Variants in FLT4 observed in about 807,000 individuals in gnomAD.
FLT4 encodes fms related receptor tyrosine kinase 4.
In FLT4, 30 loss-of-function variants were observed where a neutral mutation model predicts 163.2. The ratio of observed to expected loss-of-function variants is 0.18; its 90% CI spans 0.14 to 0.25. The LOEUF is 0.25. Among genes scored for constraint, FLT4 ranks in the 10% least tolerant of loss-of-function variants. The probability of loss-of-function intolerance (pLI) is 1.00; values close to 1 mark genes in which losing one functional copy is unlikely to be tolerated. For missense variants in FLT4, 1,510 were observed against 1,863.8 expected (o/e 0.81, Z 3.50); for synonymous variants, 884 against 789.5 (o/e 1.12, Z -2.01).
chr5:180,627,539 C>T (rs900915029), intron 8 of FLT4, among the ~76,000 whole-genome samples: 3 of 149,880 alleles, frequency 2.0e-5, no homozygotes, highest in Non-Finnish European at 4.4e-5. Flanking sequence ...AGGACCAGCC[C>T]ATCTGTGTGT....
chr5:180,631,829 C>T (rs753696738), intron 1 of FLT4, 51 bp from the exon 2 acceptor site: 38 of 1,291,096 alleles, frequency 2.9e-5, no homozygotes, highest in African/African-American at 5.8e-5. Flanking sequence ...CTTGGCACGA[C>T]GTTGATGGGG....
intron 6 of FLT4, 53 bp from the exon 7 acceptor site, chr5:180,629,480 C>T (rs758439402): frequency 1.1e-5 from 18 of 1,596,916 alleles, no homozygotes; most frequent in Non-Finnish European, 1.5e-5. Flanking sequence ...TGCACAGCTA[C>T]CCCACCGAAG....
chr5:180,608,332 TATCA>T (rs1465215087), intron 29 of FLT4: 4 of 700,870 alleles, frequency 5.7e-6, no homozygotes, highest in Non-Finnish European at 1.0e-5. Flanking sequence ...TGCTTCACCT[TATCA>T]ATCACTTGAA....
rs1298985658 is a variant in FLT4, at chr5:180,616,932, C to T, written c.3064G>A (p.Ala1022Thr). Residue 1022 changes from alanine to threonine, a missense_variant, in exon 22 of 30, where the codon GCC becomes ACC. This residue lies in a region of FLT4 where 878 missense variants were observed against 1,016.7 expected (regional missense o/e 0.86). Transcript: ENST00000261937. The stretch of plus-strand genomic sequence containing the variant: ...GAAGCCAGGAACTCCATCCCTCTGG[C>T]CACCTGGAAGCTGTAGCAGACAAGA... ...EDLVCYSFQVARGMEFLASRK... is the reference protein window; with the variant it reads ...EDLVCYSFQVTRGMEFLASRK... 6.2e-7 allele frequency: 1 copy of T among 1,613,436 alleles called. No homozygotes were observed.
chr5:180,623,255 C>A lies in FLT4; in HGVS notation c.1549-416G>T, dbSNP rs536653309. On this transcript the variant is annotated intron_variant, in intron 11 of 29. Transcript: ENST00000261937. This position sits in a 1 kb window ranked among gnomAD's most constrained non-coding sequence, Gnocchi z 5.8. ...TCAGGCCCAATCCAGTCGCTGCTTG[C>A]TGAGATCCTCGTGAGATGGCCTCCT... Among the ~76,000 whole-genome samples, 1 of 152,164 alleles carries A rather than the reference C, an allele frequency of 6.6e-6. No individual in the cohort carries two copies. Among genetic ancestry groups the A allele is most frequent in the Admixed American group, 6.5e-5 (1 of 15,290 alleles).
chr5:180,604,596 G>C (rs1055341530), intron 29 of FLT4, among the ~76,000 whole-genome samples: 1 of 152,150 alleles, frequency 6.6e-6, no homozygotes, highest in Non-Finnish European at 1.5e-5. Flanking sequence ...CAGGCCTCTC[G>C]CCTTGACCTA....
intron 1 of FLT4, among the ~76,000 whole-genome samples, chr5:180,649,146 G>A (rs561862115): frequency 6.6e-6 from 1 of 151,986 alleles, no homozygotes; most frequent in East Asian, 2.0e-4. Context: ...AGCGAGTAAG[G>A]GCGCGAAGGA....
Position 180,636,414 on chromosome 5 carries a change from C to T in FLT4, c.59-4636G>A, listed in dbSNP as rs542171686. Reference sequence around the variant, plus strand: ...CACATGCCTGAACTCCTCGCAGCCACCTGCCCTCCCTACAGCAGTCCCTCT... The same window carrying T: ...CACATGCCTGAACTCCTCGCAGCCATCTGCCCTCCCTACAGCAGTCCCTCT... On this transcript the variant is annotated intron_variant, in intron 1 of 29. Coordinates refer to ENST00000261937, the MANE Select transcript of FLT4 (RefSeq NM_182925.5). The surrounding 1 kb of genome is among the most constrained non-coding windows in gnomAD (Gnocchi z 4.3). Among the ~76,000 whole-genome samples the T allele has an allele frequency of 4.6e-5, 7 of 152,140 alleles. No individual in the cohort carries two copies. The highest frequency in any genetic ancestry group is 1.0e-4 in the Non-Finnish European group (7 of 68,030).
intron 21 of FLT4, 142 bp from the exon 22 acceptor site, chr5:180,617,136 C>A: frequency 1.4e-6 from 1 of 696,070 alleles, no homozygotes; most frequent in African/African-American, 1.8e-5. Flanking sequence ...TCCAGAGCAC[C>A]CTCTCCTGCC....
chr5:180,620,018 G>A lies in FLT4; in HGVS notation c.2542+155C>T, dbSNP rs1428728327. Among the ~76,000 whole-genome samples the A allele has an allele frequency of 6.6e-6, 1 of 152,194 alleles. No individual in the cohort carries two copies. Among genetic ancestry groups the A allele is most frequent in the Admixed American group, 6.5e-5 (1 of 15,284 alleles). ...AGGGAGCCTGGGAACTGGGGACCCT[G>A]GCTGAGGTTCTAGGTACCCACGCCC... On this transcript the variant is annotated intron_variant, in intron 17 of 29. Coordinates refer to ENST00000261937, the MANE Select transcript of FLT4 (RefSeq NM_182925.5). The surrounding 1 kb of genome is among the most constrained non-coding windows in gnomAD (Gnocchi z 4.4).
rs1295797726 is a variant in FLT4 at position 180,625,929 on chromosome 5, A to T, written c.1361T>A (p.Leu454His). 1 of 1,612,672 alleles carries T rather than the reference A, an allele frequency of 6.2e-7. No homozygotes were observed. The highest frequency in any genetic ancestry group is 1.1e-5 in the South Asian group (1 of 91,074). ...GGGCCGCCAGTGCCACTGGATGCTG[A>T]GAGGCAGGGGCACCCCGTAGGCCGT... ...TCTAYGVPLP[L>H]SIQWHWRPWT... The change falls in exon 10 of 30, where the codon CTC (leucine) becomes CAC (histidine). Residue 454 changes from leucine (L) to histidine (H), a missense_variant. By Grantham distance (99) the Leu-to-His change is moderately conservative (BLOSUM62 -3). Coordinates refer to ENST00000261937, the MANE Select transcript of FLT4 (RefSeq NM_182925.5).
rs1460816592 is a variant in FLT4 at position 180,623,169 on chromosome 5, T to G, written c.1549-330A>C. On this transcript the variant is annotated intron_variant, in intron 11 of 29. Transcript: ENST00000261937. The surrounding 1 kb of genome is among the most constrained non-coding windows in gnomAD (Gnocchi z 5.8). ...TATGTTGAGGGGGCACCAGCGTCAGTGCAAGCCAGGGTGAGAATTCAGCCT... is the reference window on the plus strand; with the variant it reads ...TATGTTGAGGGGGCACCAGCGTCAGGGCAAGCCAGGGTGAGAATTCAGCCT... Among the ~76,000 whole-genome samples, 1 of 152,150 alleles carries G rather than the reference T, an allele frequency of 6.6e-6. No homozygotes were observed. Among genetic ancestry groups the G allele is most frequent in the Non-Finnish European group, 1.5e-5 (1 of 68,018 alleles).
intron 29 of FLT4, chr5:180,608,299 C>A (rs1358502709): frequency 1.4e-6 from 1 of 700,734 alleles, no homozygotes; most frequent in Non-Finnish European, 2.6e-6. Context: ...GAGGGAAGGG[C>A]CCCGTCCCAT....
intron 23 of FLT4, among the ~76,000 whole-genome samples, chr5:180,614,578 C>G (rs1196375968): frequency 6.6e-6 from 1 of 152,104 alleles, no homozygotes; most frequent in East Asian, 1.9e-4. Flanking sequence ...TGTCCCCACC[C>G]TGGAAGCCGG....
chr5:180,648,298 C>T (rs2127877108), intron 1 of FLT4, among the ~76,000 whole-genome samples: 1 of 152,316 alleles, frequency 6.6e-6, no homozygotes, highest in East Asian at 1.9e-4. Flanking sequence ...CCTCTCCTGT[C>T]CTCTGCCCTT....
At chr5:180,609,139 G>T in intron 28 of FLT4, 86 bp from the exon 29 acceptor site, 1 of 1,124,638 alleles carries the variant, frequency 8.9e-7, no homozygotes, top group Non-Finnish European at 1.4e-6. Flanking sequence ...AGTGCGGCAT[G>T]GTCCTGCAGC....
chr5:180,648,976 C>T (rs1172580447), intron 1 of FLT4, among the ~76,000 whole-genome samples: 3 of 152,172 alleles, frequency 2.0e-5, no homozygotes, highest in African/African-American at 7.2e-5. Context: ...CCGTCGCCGG[C>T]CACGGGGAGG....
rs36217296 is a variant in FLT4, at chr5:180,632,599, G to GGT, written c.59-823_59-822dup. Among the ~76,000 whole-genome samples the GGT allele has an allele frequency of 2.4e-3, 356 of 150,708 alleles. 4 individuals are homozygous for GGT. Among genetic ancestry groups the GGT allele is most frequent in the African/African-American group, 7.9e-3 (326 of 41,056 alleles). On this transcript the variant is annotated intron_variant, in intron 1 of 29. Coordinates refer to ENST00000261937, the MANE Select transcript of FLT4 (RefSeq NM_182925.5). ...CCCCACACCCTCCTCCCCGTGAGGT[G>GGT]GTGTGTGTGTGTGTGTGTGTGTGTG...
rs186187161 is a variant in FLT4 at position 180,629,346 on chromosome 5, C to T, written c.898G>A (p.Val300Ile). The T allele has an allele frequency of 2.0e-5, 33 of 1,613,222 alleles. No homozygotes were observed. The highest frequency in any genetic ancestry group is 4.5e-5 in the East Asian group (2 of 44,882). ...TACGAGCCCAGGTCGTGCTGGCTGA[C>T]GTTGTGGATGGTCAGGATGCTGGAG... ...ELSSILTIHN[V>I]SQHDLGSYVC... is the part of the protein sequence containing the mutation. The change falls in exon 7 of 30, where the codon GTC (valine) becomes ATC (isoleucine). Residue 300 changes from valine to isoleucine, a missense_variant. Transcript: ENST00000261937.
Sources: allele counts gnomAD v4.1 joint callset (sites outside exome capture counted in the v4.1 genomes callset), GRCh38; gene constraint gnomAD v4.1.1; regional missense constraint gnomAD v4.1.1; non-coding constraint Gnocchi (gnomAD v3.1); transcripts MANE v1.5; gene names NCBI Gene and HGNC (gene_info 2026-07-23, HGNC 2026-07-21).